OTUD7A: variants seen among roughly 807,000 people sequenced by gnomAD.
OTUD7A encodes OTU deubiquitinase 7A, also known as OTU domain-containing protein 7A.
In OTUD7A, 12 loss-of-function variants were observed where a neutral mutation model predicts 65.7. That is an observed-to-expected ratio of 0.18 (90% CI 0.12 to 0.30). OTUD7A has a LOEUF of 0.30. OTUD7A is among the 10% of genes least tolerant of loss of function. The probability of loss-of-function intolerance (pLI) is 1.00; values close to 1 mark genes in which losing one functional copy is unlikely to be tolerated. For synonymous variants in OTUD7A, 641 were observed against 586.3 expected (o/e 1.09, Z -1.35); for missense variants, 1,148 against 1,304.8 (o/e 0.88, Z 1.85).
At chr15:31,720,478 T>C (rs1233393145) in intron 1 of OTUD7A, among the ~76,000 whole-genome samples, 61 of 151,736 alleles carry the variant, frequency 4.0e-4, no homozygotes, top group East Asian at 7.8e-4. Context: ...CAGCTCACTG[T>C]AGGCTCTGCC....
intron 4 of OTUD7A, among the ~76,000 whole-genome samples, chr15:31,566,829 G>T (rs1888891644): frequency 6.6e-6 from 1 of 152,022 alleles, no homozygotes; most frequent in African/African-American, 2.4e-5. Flanking sequence ...TCCCTCTTTG[G>T]GATTTTAAGC....
intron 1 of OTUD7A, among the ~76,000 whole-genome samples, chr15:31,790,397 T>C (rs1895783317): frequency 6.6e-6 from 1 of 152,336 alleles, no homozygotes; most frequent in Non-Finnish European, 1.5e-5. Flanking sequence ...CTTCATGTTA[T>C]GAGAACAGTG....
At position 31,736,854 on chromosome 15, in the gene OTUD7A, G is replaced by A. The variant is rs747267803; in HGVS notation, c.-99-79777C>T. Among the ~76,000 whole-genome samples the A allele has an allele frequency of 3.3e-5, 5 of 151,920 alleles. No individual in the cohort carries two copies. The East Asian group carries it at 5.8e-4, about 18-fold the overall frequency. On this transcript the variant is annotated intron_variant, in intron 1 of 12. Coordinates refer to ENST00000307050, the MANE Select transcript of OTUD7A (RefSeq NM_001382637.1). ...TGGGGGGGCGGGGGGACGGAGTCTC[G>A]CTCTGTTGCCAGGCTGGAGTATAGT...
At chr15:31,739,577 T>G (rs1357353025) in intron 1 of OTUD7A, among the ~76,000 whole-genome samples, 1 of 152,104 alleles carries the variant, frequency 6.6e-6, no homozygotes. Flanking sequence ...TAAAATGCAA[T>G]GCCCACATTT....
intron 3 of OTUD7A, chr15:31,649,899 C>T: frequency 3.9e-6 from 1 of 259,664 alleles, no homozygotes; most frequent in Non-Finnish European, 8.7e-6. Flanking sequence ...TTCCCTTCCT[C>T]CAGTCTCCCC....
chr15:31,812,878 AG>A (rs1896456370), intron 1 of OTUD7A, among the ~76,000 whole-genome samples: 1 of 152,186 alleles, frequency 6.6e-6, no homozygotes, highest in Admixed American at 6.5e-5. Context: ...TTAACATGCA[AG>A]TGATAAACAT....
chr15:31,685,336 C>T (rs1892810841), intron 1 of OTUD7A, among the ~76,000 whole-genome samples: 1 of 152,164 alleles, frequency 6.6e-6, no homozygotes. Flanking sequence ...CATTTGTTTC[C>T]CAACTGACCT....
Position 31,483,878 on chromosome 15 carries a change from G to T in OTUD7A, c.2218C>A (p.Arg740Ser), listed in dbSNP as rs1308774867. Reference protein sequence around the residue: ...ERPSPGPAAGRAARAAAGGTA... With the variant: ...ERPSPGPAAGSAARAAAGGTA... ...CCGCCCGCCGCCGCCCGCGCCGCACGCCCTGCCGCGGGCCCGGGGCTCGGC... is the reference window on the plus strand; with the variant it reads ...CCGCCCGCCGCCGCCCGCGCCGCACTCCCTGCCGCGGGCCCGGGGCTCGGC... Residue 740 changes from arginine (R) to serine (S), a missense_variant, in exon 13 of 13, where the codon CGT becomes AGT. Arg to Ser is a moderately radical substitution (Grantham distance 110). Transcript: ENST00000307050. 2.0e-6 allele frequency: 2 copies of T among 991,066 alleles called. No homozygotes were observed. The highest frequency in any genetic ancestry group is 1.8e-5 in the African/African-American group (1 of 56,666). 61.4% of individuals were successfully genotyped at this position (991,066 alleles called of 1,614,324 possible).
At chr15:31,511,068 T>TATCTATATGTAACATAC (rs1566892817) in intron 8 of OTUD7A, among the ~76,000 whole-genome samples, 6 of 69,274 alleles carry the variant, frequency 8.7e-5, no homozygotes, top group East Asian at 5.8e-4. Context: ...AACATACATA[T>TATCTATATGTAACATAC]ATATGTATAT....
rs1290440411 is a variant in OTUD7A at position 31,810,292 on chromosome 15, ACT to A, written c.-100+60213_-100+60214del. On this transcript the variant is annotated intron_variant, in intron 1 of 12. Transcript: ENST00000307050. The stretch of plus-strand genomic sequence containing the variant: ...GTGGAGCCTCACTGAAAATTTCACC[ACT>A]GTCATGAACAGAACTGTGTCCCTGA... 2.0e-5 allele frequency among the ~76,000 whole-genome samples: 3 copies of A among 152,204 alleles called. No homozygotes were observed. The East Asian group carries it at 5.8e-4, about 29-fold the overall frequency.
intron 1 of OTUD7A, among the ~76,000 whole-genome samples, chr15:31,658,020 T>A (rs1892043277): frequency 1.3e-5 from 2 of 152,028 alleles, no homozygotes; most frequent in African/African-American, 4.8e-5. Context: ...GTGACTGCCT[T>A]AGGAGGGGCA....
Position 31,760,582 on chromosome 15 carries a change from C to T in OTUD7A, c.-99-103505G>A, listed in dbSNP as rs1325598773. Among the ~76,000 whole-genome samples, 9 of 152,154 alleles carry T rather than the reference C, an allele frequency of 5.9e-5. No individual in the cohort carries two copies. In the East Asian group the frequency reaches 1.7e-3, roughly 29 times the overall value. ...CCCAGTGTTGCTGTTAAAAGATATC[C>T]CATATTCATGGGCCAGAAAATGCAA... On this transcript the variant is annotated intron_variant, in intron 1 of 12. Coordinates refer to ENST00000307050, the MANE Select transcript of OTUD7A (RefSeq NM_001382637.1).
chr15:31,840,934 C>G (rs985644371), intron 1 of OTUD7A, among the ~76,000 whole-genome samples: 1 of 152,208 alleles, frequency 6.6e-6, no homozygotes, highest in Non-Finnish European at 1.5e-5. Context: ...AGGCTTGTCA[C>G]AGTACCACGC....
Position 31,572,488 on chromosome 15 carries a change from T to A in OTUD7A, c.152-2291A>T, listed in dbSNP as rs569328003. 3.9e-5 allele frequency among the ~76,000 whole-genome samples: 6 copies of A among 152,324 alleles called. No individual in the cohort carries two copies. In the South Asian group the frequency reaches 1.2e-3, roughly 32 times the overall value. ...AGATTTCATGGTAAGAACTACAACC[T>A]CTAGTACAGTTTACTGCTGAAAATG... On this transcript the variant is annotated intron_variant, in intron 3 of 12. Coordinates refer to ENST00000307050, the MANE Select transcript of OTUD7A (RefSeq NM_001382637.1).
At chr15:31,697,245 C>A (rs1179830864) in intron 1 of OTUD7A, among the ~76,000 whole-genome samples, 1 of 106,500 alleles carries the variant, frequency 9.4e-6, no homozygotes, top group Non-Finnish European at 2.3e-5. Flanking sequence ...CTTCCCCAGG[C>A]GGCCCCTCCT....
At chr15:31,529,866 T>G (rs8030959) in intron 6 of OTUD7A, among the ~76,000 whole-genome samples, 16,467 of 152,186 alleles carry the variant, frequency 0.11, 999 homozygotes, top group Non-Finnish European at 0.14. Flanking sequence ...GAGGGTTGTG[T>G]GTTTTGGAGA....
intron 3 of OTUD7A, among the ~76,000 whole-genome samples, chr15:31,633,760 G>A (rs1177958636): frequency 6.6e-6 from 1 of 152,144 alleles, no homozygotes; most frequent in African/African-American, 2.4e-5. Flanking sequence ...TGGGGAACCT[G>A]CTGGGGTGAT....
intron 3 of OTUD7A, among the ~76,000 whole-genome samples, chr15:31,607,813 C>T (rs1482149579): frequency 6.6e-6 from 1 of 152,164 alleles, no homozygotes; most frequent in African/African-American, 2.4e-5. Context: ...TAGTAGGCTG[C>T]ACCATCTAGG....
chr15:31,557,875 C>T (rs1888550171), intron 5 of OTUD7A: 1 of 152,178 alleles, frequency 6.6e-6, no homozygotes, highest in Non-Finnish European at 1.5e-5. Context: ...AAGCTCTACT[C>T]CCTAACAGTG....
Sources: allele counts gnomAD v4.1 joint callset (sites outside exome capture counted in the v4.1 genomes callset), GRCh38; gene constraint gnomAD v4.1.1; transcripts MANE v1.5; gene names NCBI Gene and HGNC (gene_info 2026-07-23, HGNC 2026-07-21).